The following L3MBTL4 variants were observed in gnomAD, a reference collection of about 807,000 sequenced individuals.
L3MBTL4 encodes L3MBTL histone methyl-lysine binding protein 4, also known as lethal(3)malignant brain tumor-like protein 4.
A neutral mutation model predicts 84.5 loss-of-function variants in L3MBTL4; 70 were observed. The observed-to-expected ratio is 0.83, with a 90% confidence interval of 0.68 to 1.01. L3MBTL4 has a LOEUF of 1.01. L3MBTL4 is among the 50% of genes least tolerant of loss of function. The pLI is 0.00. For missense variants in L3MBTL4, 715 were observed against 754.8 expected, an observed-to-expected ratio of 0.95 and a Z score of 0.62; for synonymous variants, 274 against 259.8, an observed-to-expected ratio of 1.05 and a Z score of -0.52.
intron 13 of L3MBTL4, among the ~76,000 whole-genome samples, chr18:6,144,274 A>T (rs1411942497): frequency 1.3e-5 from 2 of 151,526 alleles, no homozygotes; most frequent in East Asian, 3.9e-4. Flanking sequence ...CTGTGAGATC[A>T]TCACTATTTT....
At chr18:6,160,564 T>G (rs1441833651) in intron 13 of L3MBTL4, among the ~76,000 whole-genome samples, 1 of 151,934 alleles carries the variant, frequency 6.6e-6, no homozygotes, top group African/African-American at 2.4e-5. Flanking sequence ...AAACCCAGTC[T>G]CTACTAAAAA....
chr18:6,277,149 A>C (rs1330706662), intron 4 of L3MBTL4, among the ~76,000 whole-genome samples: 2 of 64,092 alleles, frequency 3.1e-5, no homozygotes, highest in Non-Finnish European at 5.6e-5. Flanking sequence ...GGGTGGGGGG[A>C]CGGGGGAGGG....
intron 15 of L3MBTL4, among the ~76,000 whole-genome samples, chr18:6,086,551 A>G (rs2058266335): frequency 6.6e-6 from 1 of 152,180 alleles, no homozygotes; most frequent in Non-Finnish European, 1.5e-5. Flanking sequence ...GGAGACTGGC[A>G]AGAGCTGGGC....
rs1180425942 is a variant in L3MBTL4 at position 6,095,246 on chromosome 18, G to C, written c.1200-1718C>G. ...ACTGGTAAGACAACAGGCTCACACA[G>C]TGTAAGCAACTTTACCAAGGCCTTG... On this transcript the variant is annotated intron_variant, in intron 14 of 18. Coordinates refer to ENST00000317931, the MANE Select transcript of L3MBTL4 (RefSeq NM_001330559.2). 5.3e-5 allele frequency among the ~76,000 whole-genome samples: 8 copies of C among 152,012 alleles called. 1 individual carries two copies. The highest frequency in any genetic ancestry group is 1.7e-4 in the African/African-American group (7 of 41,362).
intron 1 of L3MBTL4, among the ~76,000 whole-genome samples, chr18:6,385,493 G>C (rs1473758301): frequency 6.6e-6 from 1 of 152,150 alleles, no homozygotes; most frequent in East Asian, 1.9e-4. Flanking sequence ...AGAGGAAACA[G>C]AGATGACTCA....
intron 9 of L3MBTL4, among the ~76,000 whole-genome samples, chr18:6,238,447 G>A (rs2146084738): frequency 6.6e-6 from 1 of 152,054 alleles, no homozygotes; most frequent in East Asian, 1.9e-4. Flanking sequence ...GCTGGAGAAT[G>A]GCGTGAACCC....
At chr18:6,151,914 A>G (rs1001942428) in intron 13 of L3MBTL4, among the ~76,000 whole-genome samples, 3 of 152,174 alleles carry the variant, frequency 2.0e-5, no homozygotes, top group African/African-American at 7.2e-5. Context: ...CCCCTGGTAA[A>G]CATCATTCTG....
intron 14 of L3MBTL4, among the ~76,000 whole-genome samples, chr18:6,135,717 T>C (rs1315732606): frequency 6.6e-6 from 1 of 152,196 alleles, no homozygotes; most frequent in East Asian, 1.9e-4. Context: ...ATCAGCATTT[T>C]TGTCAAAGCC....
intron 4 of L3MBTL4, among the ~76,000 whole-genome samples, chr18:6,297,282 T>C (rs916064053): frequency 6.6e-6 from 1 of 152,120 alleles, no homozygotes; most frequent in Non-Finnish European, 1.5e-5. Flanking sequence ...GAATAAACGG[T>C]AGAAGAAACC....
chr18:6,136,343 G>A (rs998714557), intron 14 of L3MBTL4, among the ~76,000 whole-genome samples: 2 of 152,110 alleles, frequency 1.3e-5, no homozygotes, highest in African/African-American at 4.8e-5. Context: ...TGGAGGCAGG[G>A]AACCTAAGGC....
chr18:6,168,318 A>G lies in L3MBTL4; in HGVS notation c.1096+3510T>C, dbSNP rs138088377. On this transcript the variant is annotated intron_variant, in intron 13 of 18. Transcript: ENST00000317931. Reference sequence around the variant, plus strand: ...CAATGACCTTCTTCACAAAATTGGAAAAAAGCTACTTTAAAGTTCATATGG... The same window carrying G: ...CAATGACCTTCTTCACAAAATTGGAGAAAAGCTACTTTAAAGTTCATATGG... 3.9e-3 allele frequency among the ~76,000 whole-genome samples: 599 copies of G among 152,320 alleles called. 4 individuals are homozygous for G. The highest frequency in any genetic ancestry group is 0.014 in the African/African-American group (581 of 41,544).
At position 6,346,869 on chromosome 18, in the gene L3MBTL4, T is replaced by C. The variant is rs868446168; in HGVS notation, c.-90-34813A>G. 3.3e-5 allele frequency among the ~76,000 whole-genome samples: 5 copies of C among 152,248 alleles called. No homozygotes were observed. The South Asian group carries it at 1.0e-3, about 32-fold the overall frequency. ...TAAAATCAGTATCCAAAGAAATATTTGTACTCCCATATTCACTGCAGCAAT... is the reference window on the plus strand; with the variant it reads ...TAAAATCAGTATCCAAAGAAATATTCGTACTCCCATATTCACTGCAGCAAT... On this transcript the variant is annotated intron_variant, in intron 1 of 18. Transcript: ENST00000317931.
intron 12 of L3MBTL4, among the ~76,000 whole-genome samples, chr18:6,177,400 C>A (rs1453166472): frequency 6.6e-6 from 1 of 152,182 alleles, no homozygotes; most frequent in Non-Finnish European, 1.5e-5. Context: ...GATAGGAAAT[C>A]TGACAACAGG....
chr18:6,095,352 T>G (rs1409294332), intron 14 of L3MBTL4, among the ~76,000 whole-genome samples: 2 of 147,082 alleles, frequency 1.4e-5, no homozygotes, highest in African/African-American at 2.6e-5. Flanking sequence ...CATGGTTTTT[T>G]TTTTTTTTTT....
chr18:6,165,029 C>T (rs950132568), intron 13 of L3MBTL4, among the ~76,000 whole-genome samples: 13 of 152,082 alleles, frequency 8.5e-5, no homozygotes, highest in South Asian at 2.1e-4. Flanking sequence ...AACTACGTGA[C>T]GAATGCACAA....
intron 16 of L3MBTL4, among the ~76,000 whole-genome samples, chr18:6,075,274 A>T (rs1232409043): frequency 6.6e-6 from 1 of 152,186 alleles, no homozygotes; most frequent in Non-Finnish European, 1.5e-5. Context: ...TAGCTATCAG[A>T]ATTTATCATA....
intron 13 of L3MBTL4, among the ~76,000 whole-genome samples, chr18:6,163,102 G>C (rs146308786): frequency 2.6e-5 from 4 of 152,198 alleles, no homozygotes; most frequent in Non-Finnish European, 2.9e-5. Flanking sequence ...CCACTGCAAC[G>C]GTCAATGACA....
rs114194267 is a variant in L3MBTL4 at position 6,142,295 on chromosome 18, C to T, written c.1097-3999G>A. Reference sequence around the variant, plus strand: ...GTTTGTGGAACAGGTGAGTGTTCCACAGTTCTTCCTTTGAGAGACACTCAT... The same window carrying T: ...GTTTGTGGAACAGGTGAGTGTTCCATAGTTCTTCCTTTGAGAGACACTCAT... On this transcript the variant is annotated intron_variant, in intron 13 of 18. Coordinates refer to ENST00000317931, the MANE Select transcript of L3MBTL4 (RefSeq NM_001330559.2). Among the ~76,000 whole-genome samples, 486 of 152,312 alleles carry T rather than the reference C, an allele frequency of 3.2e-3. 2 individuals are homozygous for T. The highest frequency in any genetic ancestry group is 0.011 in the African/African-American group (452 of 41,568).
chr18:6,325,609 T>C (rs1400697784), intron 1 of L3MBTL4, among the ~76,000 whole-genome samples: 3 of 152,224 alleles, frequency 2.0e-5, no homozygotes, highest in African/African-American at 4.8e-5. Context: ...ACAGTAAAGA[T>C]TTTTTGAAGA....
Sources: gnomAD v4.1 joint callset for allele counts (sites outside exome capture counted in the v4.1 genomes callset) on GRCh38, gnomAD v4.1.1 for gene constraint, MANE v1.5 for transcripts, NCBI Gene and HGNC (gene_info 2026-07-23, HGNC 2026-07-21) for gene names.